The following ATE1 variants were observed in gnomAD, a reference collection of about 807,000 sequenced individuals.
The protein encoded by ATE1 is arginyltransferase 1.
ATE1 carries 36 observed loss-of-function variants against 70.5 expected under a neutral mutation model. The ratio of observed to expected loss-of-function variants is 0.51; its 90% CI spans 0.39 to 0.67. The LOEUF is 0.67. Ranked by LOEUF, ATE1 falls within the 30% of genes least tolerant of loss-of-function variation. The pLI, the probability that ATE1 is intolerant of heterozygous loss-of-function variation, is 0.00. For synonymous variants in ATE1, 232 were observed against 219.3 expected (o/e 1.06, Z -0.51); for missense variants, 593 against 629.5 (o/e 0.94, Z 0.62).
At chr10:121,902,763 T>C (rs1049415558) in intron 5 of ATE1, 143 bp from the exon 6 acceptor site, 4 of 805,762 alleles carry the variant, frequency 5.0e-6, no homozygotes, top group Admixed American at 5.9e-5. Flanking sequence ...AGGATCCTGA[T>C]ACAGAGCTGT....
intron 10 of ATE1, among the ~76,000 whole-genome samples, chr10:121,800,089 A>T (rs1268188039): frequency 1.3e-5 from 2 of 152,190 alleles, no homozygotes; most frequent in African/African-American, 4.8e-5. Flanking sequence ...TGGCCTTTAT[A>T]AGAAGACGGA....
chr10:121,790,632 T>G (rs1946395081), intron 10 of ATE1, among the ~76,000 whole-genome samples: 1 of 152,194 alleles, frequency 6.6e-6, no homozygotes, highest in African/African-American at 2.4e-5. Flanking sequence ...TACTAGTTAA[T>G]TAACAAAGAG....
intron 7 of ATE1, among the ~76,000 whole-genome samples, chr10:121,879,453 CAT>C (rs1410408733): frequency 7.2e-5 from 11 of 152,316 alleles, no homozygotes; most frequent in Admixed American, 5.2e-4. Context: ...CTCTCTAACA[CAT>C]AGTCTCCCTG....
intron 8 of ATE1, among the ~76,000 whole-genome samples, chr10:121,864,767 A>T (rs972659952): frequency 6.6e-6 from 1 of 151,230 alleles, no homozygotes; most frequent in African/African-American, 2.4e-5. Context: ...TTTTTTAGGG[A>T]TGTGGTTTTC....
chr10:121,926,501 CTT>C (rs756412589), intron 1 of ATE1, among the ~76,000 whole-genome samples: 4 of 152,098 alleles, frequency 2.6e-5, no homozygotes, highest in Non-Finnish European at 4.4e-5. Flanking sequence ...ATTATTTTCT[CTT>C]GATGGAAAGG....
rs1944151503 is a variant in ATE1 at position 121,741,656 on chromosome 10, G to A, written c.*2024C>T. ...CAAGTTGGACATTCAAATGCTAAGC[G>A]AGCCAAGTACCAGCCCTACCCTGCT... is the stretch of plus-strand genomic sequence containing the variant. On this transcript the variant is annotated 3_prime_UTR_variant, in exon 12 of 12. Transcript: ENST00000224652. 6.6e-6 allele frequency: 1 copy of A among 152,146 alleles called. No individual in the cohort carries two copies. The highest frequency in any genetic ancestry group is 2.4e-5 in the African/African-American group (1 of 41,424). The allele number at this position is 152,146 out of a possible 1,614,324, so 9.4% of individuals were successfully genotyped here.
At chr10:121,903,603 C>T (rs1177099310) in intron 5 of ATE1, among the ~76,000 whole-genome samples, 1 of 152,092 alleles carries the variant, frequency 6.6e-6, no homozygotes, top group East Asian at 1.9e-4. Flanking sequence ...ATTAGAATCA[C>T]TTGAACCCAG....
chr10:121,863,531 G>A (rs1228170234), intron 8 of ATE1, among the ~76,000 whole-genome samples: 5 of 151,924 alleles, frequency 3.3e-5, no homozygotes, highest in Admixed American at 6.6e-5. Flanking sequence ...GATTACAGGC[G>A]TGAGCCACAG....
intron 8 of ATE1, among the ~76,000 whole-genome samples, chr10:121,848,476 G>C (rs980012388): frequency 6.6e-6 from 1 of 151,900 alleles, no homozygotes; most frequent in African/African-American, 2.4e-5. Context: ...AAAATAGCCA[G>C]GTGTGGTGGT....
intron 10 of ATE1, among the ~76,000 whole-genome samples, chr10:121,831,860 T>A (rs1293867691): frequency 1.3e-5 from 2 of 152,238 alleles, no homozygotes; most frequent in Non-Finnish European, 2.9e-5. Context: ...TCATCTTTTA[T>A]AATGATACTT....
In ATE1 at chr10:121,874,399, T is replaced by G. The variant is rs2134053830; in HGVS notation, c.943-4361A>C. Reference sequence around the variant, plus strand: ...ATTCCACAAAAGAAAAAAGTTTTATTGTTTCATATTTCATTGCAGACAAAT... The same window carrying G: ...ATTCCACAAAAGAAAAAAGTTTTATGGTTTCATATTTCATTGCAGACAAAT... On this transcript the variant is annotated intron_variant, in intron 7 of 11. Transcript: ENST00000224652. Among the ~76,000 whole-genome samples, 3 of 152,344 alleles carry G rather than the reference T, an allele frequency of 2.0e-5. No homozygotes were observed. In the South Asian group the frequency reaches 6.2e-4, roughly 32 times the overall value.
intron 10 of ATE1, among the ~76,000 whole-genome samples, chr10:121,800,020 A>G (rs1590334148): frequency 6.6e-6 from 1 of 152,346 alleles, no homozygotes; most frequent in East Asian, 1.9e-4. Flanking sequence ...AAATCCAGAA[A>G]TATGTGATTT....
In ATE1 at chr10:121,885,291, C is replaced by T. The variant is rs551718322; in HGVS notation, c.942+14575G>A. Among the ~76,000 whole-genome samples the T allele has an allele frequency of 4.2e-5, 6 of 142,672 alleles. No homozygotes were observed. The East Asian group carries it at 6.3e-4, about 15-fold the overall frequency. The allele number at this position is 142,672 out of a possible 152,430, so 93.6% of individuals were successfully genotyped here. A position where few individuals can be genotyped will look rare whatever the true frequency, so the allele number is the denominator to read the frequency against. The stretch of plus-strand genomic sequence containing the variant: ...AAAAAAAAAAAAAAAAAAAAGAGGC[C>T]GGGCGCGGTGGCTCACACTTGTAAT... On this transcript the variant is annotated intron_variant, in intron 7 of 11. Coordinates refer to ENST00000224652, the MANE Select transcript of ATE1 (RefSeq NM_001001976.3).
At chr10:121,845,512 T>C (rs553774681) in intron 8 of ATE1, among the ~76,000 whole-genome samples, 1 of 152,252 alleles carries the variant, frequency 6.6e-6, no homozygotes, top group South Asian at 2.1e-4. Context: ...CTGAAACTGC[T>C]GAGGGAGGGG....
intron 10 of ATE1, among the ~76,000 whole-genome samples, chr10:121,800,993 G>A (rs1946856139): frequency 6.6e-6 from 1 of 152,158 alleles, no homozygotes; most frequent in Non-Finnish European, 1.5e-5. Flanking sequence ...CAGTCCCCAA[G>A]AGAGTGCTTT....
At chr10:121,911,467 C>T (rs1342754161) in intron 4 of ATE1, among the ~76,000 whole-genome samples, 1 of 142,802 alleles carries the variant, frequency 7.0e-6, no homozygotes, top group East Asian at 2.1e-4. Flanking sequence ...AAAACAAAAA[C>T]TGTGGCGCCC....
At chr10:121,920,200 G>A (rs1281265830) in intron 3 of ATE1, among the ~76,000 whole-genome samples, 2 of 151,834 alleles carry the variant, frequency 1.3e-5, no homozygotes, top group Non-Finnish European at 2.9e-5. Context: ...CAAAAAAAAA[G>A]GTTCAGGTGC....
At chr10:121,846,249 A>G (rs891120637) in intron 8 of ATE1, among the ~76,000 whole-genome samples, 2 of 152,192 alleles carry the variant, frequency 1.3e-5, no homozygotes, top group African/African-American at 4.8e-5. Context: ...ACAAAATAAA[A>G]CAGTACTGAC....
intron 10 of ATE1, among the ~76,000 whole-genome samples, chr10:121,797,293 T>C (rs1218535085): frequency 6.6e-6 from 1 of 152,230 alleles, no homozygotes; most frequent in Non-Finnish European, 1.5e-5. Flanking sequence ...AAAAAATGTT[T>C]CCAGCAAGCC....
Sources: allele counts gnomAD v4.1 joint callset (sites outside exome capture counted in the v4.1 genomes callset), GRCh38; gene constraint gnomAD v4.1.1; transcripts MANE v1.5; gene names NCBI Gene and HGNC (gene_info 2026-07-23, HGNC 2026-07-21).